SI: variants seen among roughly 807,000 people sequenced by gnomAD.
The protein encoded by SI is sucrase-isomaltase, intestinal.
A neutral mutation model predicts 253.3 loss-of-function variants in SI; 235 were observed. The observed-to-expected ratio is 0.93, with a 90% CI of 0.83 to 1.03. The LOEUF is 1.03. SI is among the 50% of genes least tolerant of loss of function. The pLI is 0.00. For synonymous variants in SI, 819 were observed against 712.0 expected (o/e 1.15, Z -2.39); for missense variants, 2,442 against 2,211.1 (o/e 1.10, Z -2.09).
At chr3:165,021,147 G>C in intron 27 of SI, 82 bp downstream of exon 27, 1 of 1,243,334 alleles carries the variant, frequency 8.0e-7, no homozygotes, top group South Asian at 1.2e-5. Context: ...CTCTAGGACA[G>C]TGAAGGCTGT....
chr3:165,023,587 C>G lies in SI; in HGVS notation c.3082G>C (p.Asp1028His). 1 of 1,610,334 alleles carries G rather than the reference C, an allele frequency of 6.2e-7. No homozygotes were observed. Residue 1028 changes from aspartate to histidine, a missense_variant, in exon 26 of 48, where the codon GAT becomes CAT. Asp to His is a moderately conservative substitution (Grantham distance 81, BLOSUM62 -1). Coordinates refer to ENST00000264382, the MANE Select transcript of SI (RefSeq NM_001041.4). Reference sequence around the variant, plus strand: ...AAGCATACCTTAAACTGCAACATATCATTTTTGTGATATTTCACCTCCACA... The same window carrying G: ...AAGCATACCTTAAACTGCAACATATGATTTTTGTGATATTTCACCTCCACA... ...LRVEVKYHKN[D>H]MLQFKIYDPQ... is the part of the protein sequence containing the mutation.
At chr3:164,985,724 C>T (rs548805589) in intron 45 of SI, among the ~76,000 whole-genome samples, 7 of 152,126 alleles carry the variant, frequency 4.6e-5, no homozygotes, top group South Asian at 2.1e-4. Context: ...ATGTTCAGAA[C>T]GCTCATCTAG....
intron 12 of SI, among the ~76,000 whole-genome samples, chr3:165,058,654 A>C (rs564687633): frequency 4.6e-5 from 7 of 152,008 alleles, no homozygotes; most frequent in Non-Finnish European, 8.8e-5. Context: ...GCTATATGCC[A>C]ATAAATTGGA....
intron 13 of SI, among the ~76,000 whole-genome samples, chr3:165,051,661 C>T (rs1713437999): frequency 6.6e-6 from 1 of 151,852 alleles, no homozygotes; most frequent in Non-Finnish European, 1.5e-5. Flanking sequence ...TTTTTCTAAA[C>T]AATTTTAACA....
intron 45 of SI, among the ~76,000 whole-genome samples, chr3:164,986,920 C>T (rs1717465572): frequency 6.6e-6 from 1 of 152,136 alleles, no homozygotes; most frequent in African/African-American, 2.4e-5. Flanking sequence ...TAGACACTTA[C>T]CATAGGGATT....
chr3:164,993,871 T>C (rs1200413459), intron 41 of SI, among the ~76,000 whole-genome samples: 2 of 151,624 alleles, frequency 1.3e-5, no homozygotes, highest in Non-Finnish European at 3.0e-5. Flanking sequence ...AAGACATCTG[T>C]ATATAGTAGA....
At chr3:164,998,424 G>T in intron 38 of SI, 116 bp downstream of exon 38, 1 of 1,055,762 alleles carries the variant, frequency 9.5e-7, no homozygotes, top group Non-Finnish European at 1.5e-6. Context: ...ATGACATAAA[G>T]TACGATGTGA....
chr3:164,998,009 T>A (rs1718094816), intron 38 of SI, among the ~76,000 whole-genome samples: 1 of 151,946 alleles, frequency 6.6e-6, no homozygotes, highest in Non-Finnish European at 1.5e-5. Flanking sequence ...CATGTCTTTA[T>A]GGTAGGATCA....
At chr3:165,070,076 T>C (rs1297577329) in intron 3 of SI, among the ~76,000 whole-genome samples, 1 of 146,964 alleles carries the variant, frequency 6.8e-6, no homozygotes, top group Non-Finnish European at 1.5e-5. Context: ...ATATAATATA[T>C]ATAGTATATG....
chr3:165,041,221 T>C, intron 17 of SI, 127 bp from the exon 18 acceptor site: 1 of 763,264 alleles, frequency 1.3e-6, no homozygotes, highest in Non-Finnish European at 2.2e-6. Flanking sequence ...AAATTAAAAT[T>C]ATTCCTATTT....
intron 37 of SI, among the ~76,000 whole-genome samples, chr3:165,002,926 A>G (rs1431312942): frequency 6.6e-6 from 1 of 151,822 alleles, no homozygotes; most frequent in Non-Finnish European, 1.5e-5. Flanking sequence ...AATTAGCACT[A>G]ATAAGTATAT....
intron 15 of SI, among the ~76,000 whole-genome samples, chr3:165,048,516 T>C (rs1167835325): frequency 2.0e-5 from 3 of 148,340 alleles, no homozygotes; most frequent in Non-Finnish European, 4.5e-5. Context: ...AATTTAAATC[T>C]AGGAGTTACA....
rs139455449 is a variant in SI at position 165,014,967 on chromosome 3, G to T, written c.3999+156C>A. 3.7e-3 allele frequency among the ~76,000 whole-genome samples: 568 copies of T among 152,130 alleles called. 7 individuals are homozygous for T. The highest frequency in any genetic ancestry group is 0.013 in the African/African-American group (536 of 41,514). On this transcript the variant is annotated intron_variant, in intron 33 of 47. Coordinates refer to ENST00000264382, the MANE Select transcript of SI (RefSeq NM_001041.4). ...GAATTCTTTCTTTGTGTCTAATTTG[G>T]ATTGAACCAAAGACTATACATTATT...
At chr3:165,078,586 C>T (rs561451797), upstream of SI, 70 of 151,896 alleles carry the variant, frequency 4.6e-4, 1 homozygote, top group African/African-American at 1.6e-3. Flanking sequence ...TAATCTTCTG[C>T]TCAACATACA....
intron 13 of SI, 33 bp downstream of exon 13, chr3:165,055,161 G>A (rs770773701): frequency 1.6e-6 from 2 of 1,282,830 alleles, no homozygotes; most frequent in Admixed American, 3.4e-5. Context: ...TATGGTCATT[G>A]ACCAAAACCA....
At chr3:164,983,181 C>A in intron 45 of SI, 130 bp from the exon 46 acceptor site, 1 of 886,092 alleles carries the variant, frequency 1.1e-6, no homozygotes, top group South Asian at 1.7e-5. Context: ...CCTATTTTTT[C>A]TCTAAGCCTA....
At chr3:165,073,707 C>T (rs976799216) in intron 3 of SI, among the ~76,000 whole-genome samples, 5 of 151,732 alleles carry the variant, frequency 3.3e-5, no homozygotes, top group Admixed American at 6.6e-5. Context: ...AAAAATATTT[C>T]AAGGAACAAA....
In SI at chr3:165,034,729, CAT is replaced by C. The variant is rs577409789; in HGVS notation, c.2516-1287_2516-1286del. 2.8e-3 allele frequency among the ~76,000 whole-genome samples: 420 copies of C among 152,000 alleles called. 3 individuals are homozygous for C. Among genetic ancestry groups the C allele is most frequent in the African/African-American group, 9.6e-3 (397 of 41,512 alleles). ...GTGTGTGCGTGCATGCACGTGTGCA[CAT>C]GTTAAAGCACAAATAATAAGCTCTC... On this transcript the variant is annotated intron_variant, in intron 22 of 47. Transcript: ENST00000264382.
chr3:165,009,901 C>G (rs114221369), intron 34 of SI, among the ~76,000 whole-genome samples: 1 of 152,098 alleles, frequency 6.6e-6, no homozygotes, highest in African/African-American at 2.4e-5. Flanking sequence ...CCAATCTCTA[C>G]TAAGAATATT....
Sources: allele counts gnomAD v4.1 joint callset (sites outside exome capture counted in the v4.1 genomes callset), GRCh38; gene constraint gnomAD v4.1.1; transcripts MANE v1.5; gene names NCBI Gene and HGNC (gene_info 2026-07-23, HGNC 2026-07-21).